Variants in MEIS1 observed in about 807,000 individuals in gnomAD.
The protein encoded by MEIS1 is Meis homeobox 1.
A neutral mutation model predicts 50.8 loss-of-function variants in MEIS1; 5 were observed. That is an observed-to-expected ratio of 0.10 (90% CI 0.05 to 0.21). The LOEUF is 0.21. Among genes scored for constraint, MEIS1 ranks in the 10% least tolerant of loss-of-function variants. The pLI is 1.00. For missense variants in MEIS1, 318 were observed against 517.3 expected, an observed-to-expected ratio of 0.61 and a Z score of 3.74; for synonymous variants, 176 against 179.3, an observed-to-expected ratio of 0.98 and a Z score of 0.15.
Position 66,512,285 on chromosome 2 carries a change from G to A in MEIS1, c.879G>A (p.Gln293=), listed in dbSNP as rs1673849172. 2 of 1,610,472 alleles carry A rather than the reference G, an allele frequency of 1.2e-6. No homozygotes were observed. Among genetic ancestry groups the A allele is most frequent in the Non-Finnish European group, 1.7e-6 (2 of 1,178,904 alleles). The change falls in exon 8 of 13, where the codon CAG becomes CAA. Residue 293 remains glutamine (Q), a synonymous_variant. Transcript: ENST00000272369. Reference sequence around the variant, plus strand: ...ATATCATGAGGGCGTGGCTGTTCCAGCATCTAACAGTAAGTGGATTCTAAA... The same window carrying A: ...ATATCATGAGGGCGTGGCTGTTCCAACATCTAACAGTAAGTGGATTCTAAA... ...ATNIMRAWLF[Q]HLTHPYPSEE...
At chr2:66,561,535 T>A (rs969760421) in intron 9 of MEIS1, among the ~76,000 whole-genome samples, 7 of 152,206 alleles carry the variant, frequency 4.6e-5, no homozygotes, top group Non-Finnish European at 1.0e-4. Flanking sequence ...TATTTAAGAA[T>A]GCACAGTGTT....
Position 66,502,901 on chromosome 2 carries a change from C to T in MEIS1, c.743-9248C>T, listed in dbSNP as rs531365926. The stretch of plus-strand genomic sequence containing the variant: ...CAGACATCAGTTGGAGCTTTATTCA[C>T]TTAATAATTAGTTTTACTTTGCTGA... On this transcript the variant is annotated intron_variant, in intron 7 of 12. Coordinates refer to ENST00000272369, the MANE Select transcript of MEIS1 (RefSeq NM_002398.3). Among the ~76,000 whole-genome samples the T allele has an allele frequency of 1.1e-4, 17 of 152,322 alleles. No homozygotes were observed. The South Asian group carries it at 3.5e-3, about 32-fold the overall frequency.
intron 7 of MEIS1, among the ~76,000 whole-genome samples, chr2:66,501,931 A>T (rs994095598): frequency 6.6e-6 from 1 of 151,582 alleles, no homozygotes. Flanking sequence ...CAGTTATTTG[A>T]TTTCTTTCCA....
rs1675523608 is a variant in MEIS1, at chr2:66,573,813, A to G, written c.*2605A>G. On this transcript the variant is annotated 3_prime_UTR_variant, in exon 13 of 13. Coordinates refer to ENST00000272369, the MANE Select transcript of MEIS1 (RefSeq NM_002398.3). Reference sequence around the variant, plus strand: ...CATTCTCTTTTGATAGGTGGTTGCTAGCAGTTAACAACCATTTATTTACTT... The same window carrying G: ...CATTCTCTTTTGATAGGTGGTTGCTGGCAGTTAACAACCATTTATTTACTT... 1 of 152,220 alleles carries G rather than the reference A, an allele frequency of 6.6e-6. No individual in the cohort carries two copies. Among genetic ancestry groups the G allele is most frequent in the Non-Finnish European group, 1.5e-5 (1 of 68,054 alleles). The allele number at this position is 152,220 out of a possible 1,614,324, so 9.4% of individuals were successfully genotyped here. A position where few individuals can be genotyped will look rare whatever the true frequency, so the allele number is the denominator to read the frequency against.
intron 7 of MEIS1, among the ~76,000 whole-genome samples, chr2:66,486,157 C>A (rs538832161): frequency 6.6e-6 from 1 of 152,322 alleles, no homozygotes; most frequent in East Asian, 1.9e-4. Context: ...GTGTTTTAGT[C>A]AGAAACTCTT....
At chr2:66,564,909 T>C (rs988019452) in intron 9 of MEIS1, among the ~76,000 whole-genome samples, 4 of 151,858 alleles carry the variant, frequency 2.6e-5, no homozygotes, top group Admixed American at 2.6e-4. Context: ...CTGAAAGTAA[T>C]GGCAAGACCG....
chr2:66,437,467 C>A, intron 1 of MEIS1: 1 of 466,022 alleles, frequency 2.1e-6, no homozygotes, highest in Admixed American at 3.6e-5. Context: ...TTCCTTCTTG[C>A]CAAAGGAGCC....
At position 66,513,079 on chromosome 2, in the gene MEIS1, T is replaced by C. The variant is rs370389234; in HGVS notation, c.888+785T>C. 7.9e-5 allele frequency among the ~76,000 whole-genome samples: 12 copies of C among 152,156 alleles called. No individual in the cohort carries two copies. The South Asian group carries it at 1.4e-3, about 18-fold the overall frequency. On this transcript the variant is annotated intron_variant, in intron 8 of 12. Transcript: ENST00000272369. ...TATAATAATAATATTTTGGTGGATA[T>C]TTTTGTAAGTGCATACCAATTTAAA...
Position 66,511,621 on chromosome 2 carries a change from A to G in MEIS1, c.743-528A>G, listed in dbSNP as rs557401314. 6.6e-5 allele frequency among the ~76,000 whole-genome samples: 10 copies of G among 152,336 alleles called. No individual in the cohort carries two copies. The South Asian group carries it at 1.4e-3, about 22-fold the overall frequency. ...AGAAAAATTATATTTTATTTGAAGC[A>G]TTCCTATGTCAAACTGCTTATATGA... is the stretch of plus-strand genomic sequence containing the variant. On this transcript the variant is annotated intron_variant, in intron 7 of 12. Coordinates refer to ENST00000272369, the MANE Select transcript of MEIS1 (RefSeq NM_002398.3).
chr2:66,489,812 C>T (rs1201923208), intron 7 of MEIS1, among the ~76,000 whole-genome samples: 1 of 152,172 alleles, frequency 6.6e-6, no homozygotes, highest in East Asian at 1.9e-4. Flanking sequence ...TGAAGTAAAA[C>T]AATTCTCAAA....
At chr2:66,553,298 G>C (rs1674970589) in intron 9 of MEIS1, among the ~76,000 whole-genome samples, 1 of 152,130 alleles carries the variant, frequency 6.6e-6, no homozygotes, top group Non-Finnish European at 1.5e-5. Context: ...ATATTAAAAA[G>C]AAAAAGGAGA....
intron 1 of MEIS1, among the ~76,000 whole-genome samples, chr2:66,436,637 G>A (rs1348519482): frequency 1.3e-5 from 2 of 152,204 alleles, no homozygotes; most frequent in Non-Finnish European, 2.9e-5. Flanking sequence ...AAGTTACTAG[G>A]CTGACACAGT....
intron 7 of MEIS1, among the ~76,000 whole-genome samples, chr2:66,494,701 C>G (rs897307752): frequency 6.6e-6 from 1 of 152,168 alleles, no homozygotes; most frequent in Non-Finnish European, 1.5e-5. Flanking sequence ...TTCATGTTTT[C>G]CCAAGAACTT....
At chr2:66,445,799 C>A (rs1217210736) in intron 6 of MEIS1, among the ~76,000 whole-genome samples, 1 of 152,128 alleles carries the variant, frequency 6.6e-6, no homozygotes, top group Non-Finnish European at 1.5e-5. Context: ...AGCGTTAGTC[C>A]TTTCTTTTCC....
chr2:66,573,346 A>G lies in MEIS1; in HGVS notation c.*2138A>G, dbSNP rs1213625329. ...CTATAAAAAGTGCTTCCCAAAGCTAAGGAAAATATACAAATATTTTAATTA... is the reference window on the plus strand; with the variant it reads ...CTATAAAAAGTGCTTCCCAAAGCTAGGGAAAATATACAAATATTTTAATTA... On this transcript the variant is annotated 3_prime_UTR_variant, in exon 13 of 13. Transcript: ENST00000272369. 5 of 152,230 alleles carry G rather than the reference A, an allele frequency of 3.3e-5. No homozygotes were observed. The highest frequency in any genetic ancestry group is 1.2e-4 in the African/African-American group (5 of 41,470). 9.4% of individuals were successfully genotyped at this position (152,230 alleles called of 1,614,324 possible).
chr2:66,447,566 C>A (rs1480352170), intron 6 of MEIS1, among the ~76,000 whole-genome samples: 1 of 152,064 alleles, frequency 6.6e-6, no homozygotes, highest in Non-Finnish European at 1.5e-5. Flanking sequence ...TACATAGCAC[C>A]CTTTGAATTA....
intron 7 of MEIS1, among the ~76,000 whole-genome samples, chr2:66,503,687 A>G (rs943505098): frequency 2.0e-5 from 3 of 151,330 alleles, no homozygotes; most frequent in Non-Finnish European, 2.9e-5. Context: ...AAATGAATGA[A>G]CGAATAACAA....
chr2:66,440,134 C>A, intron 3 of MEIS1, 150 bp downstream of exon 3: 1 of 790,290 alleles, frequency 1.3e-6, no homozygotes, highest in Non-Finnish European at 2.0e-6. Flanking sequence ...CGGCCTTAAG[C>A]CATGCATGTT....
chr2:66,558,652 C>T (rs1675136066), intron 9 of MEIS1, among the ~76,000 whole-genome samples: 1 of 152,170 alleles, frequency 6.6e-6, no homozygotes, highest in Admixed American at 6.5e-5. Flanking sequence ...TTGTGCCATT[C>T]TATAGCCTAA....
Sources: gnomAD v4.1 joint callset for allele counts (sites outside exome capture counted in the v4.1 genomes callset) on GRCh38, gnomAD v4.1.1 for gene constraint, MANE v1.5 for transcripts, NCBI Gene and HGNC (gene_info 2026-07-23, HGNC 2026-07-21) for gene names.